Variants in SPAG16 observed in about 807,000 individuals in gnomAD.
The protein encoded by SPAG16 is sperm associated antigen 16.
In SPAG16, 86 loss-of-function variants were observed where a neutral mutation model predicts 80.4. The ratio of observed to expected loss-of-function variants is 1.07; its 90% CI spans 0.90 to 1.28. SPAG16 has a LOEUF of 1.28. Among genes scored for constraint, SPAG16 ranks in the 50% most tolerant of loss-of-function variants. The pLI is 0.00. For missense variants in SPAG16, 870 were observed against 765.3 expected (o/e 1.14, Z -1.61); for synonymous variants, 294 against 265.9 (o/e 1.11, Z -1.03).
chr2:213,583,386 G>A (rs1409280054), intron 10 of SPAG16, among the ~76,000 whole-genome samples: 1 of 152,114 alleles, frequency 6.6e-6, no homozygotes. Flanking sequence ...CCTTTAAATA[G>A]TCATTGTTAC....
intron 13 of SPAG16, among the ~76,000 whole-genome samples, chr2:214,105,292 C>G (rs759602615): frequency 2.2e-4 from 33 of 152,148 alleles, no homozygotes; most frequent in Non-Finnish European, 4.1e-4. Flanking sequence ...GATATGTCAA[C>G]TGGAAAATAT....
chr2:213,430,608 A>G (rs1053508844), intron 9 of SPAG16, among the ~76,000 whole-genome samples: 1 of 152,220 alleles, frequency 6.6e-6, no homozygotes, highest in Non-Finnish European at 1.5e-5. Flanking sequence ...CTTACATATC[A>G]TTGGTATTCA....
At chr2:213,991,154 G>T (rs115480007) in intron 12 of SPAG16, among the ~76,000 whole-genome samples, 11,719 of 151,642 alleles carry the variant, frequency 0.077, 560 homozygotes, top group African/African-American at 0.13. Flanking sequence ...CTCTCCCCTA[G>T]CCCCCACTCC....
chr2:213,364,488 G>A (rs902509363), intron 8 of SPAG16: 7 of 157,958 alleles, frequency 4.4e-5, no homozygotes, highest in African/African-American at 1.7e-4. Context: ...GAAGGCAATT[G>A]ACAGAAGGAA....
intron 10 of SPAG16, among the ~76,000 whole-genome samples, chr2:213,743,146 A>G (rs1252126728): frequency 2.0e-5 from 3 of 146,660 alleles, no homozygotes; most frequent in Admixed American, 1.4e-4. Flanking sequence ...CTCGTGATCC[A>G]CCCGCGTCAG....
intron 15 of SPAG16, among the ~76,000 whole-genome samples, chr2:214,209,983 AT>A (rs952690648): frequency 6.6e-6 from 1 of 152,120 alleles, no homozygotes; most frequent in Non-Finnish European, 1.5e-5. Flanking sequence ...AAAATGGAGA[AT>A]TTAAGGTTTA....
chr2:213,853,394 G>A (rs1010960248), intron 10 of SPAG16, among the ~76,000 whole-genome samples: 39 of 152,104 alleles, frequency 2.6e-4, no homozygotes, highest in African/African-American at 7.7e-4. Flanking sequence ...AGAAAGGAGA[G>A]CTTTTGAAGT....
chr2:213,605,321 C>A (rs1306921070), intron 10 of SPAG16, among the ~76,000 whole-genome samples: 1 of 147,888 alleles, frequency 6.8e-6, no homozygotes, highest in African/African-American at 2.5e-5. Flanking sequence ...GGCTGGAGTG[C>A]AGTGGTGCGA....
intron 13 of SPAG16, among the ~76,000 whole-genome samples, chr2:214,057,035 G>A (rs933733652): frequency 2.0e-5 from 3 of 152,090 alleles, no homozygotes; most frequent in African/African-American, 7.2e-5. Context: ...CACATTTGCA[G>A]TTAATTCCTC....
chr2:213,472,027 G>A (rs2073106711), intron 9 of SPAG16, among the ~76,000 whole-genome samples: 2 of 152,182 alleles, frequency 1.3e-5, no homozygotes, highest in South Asian at 2.1e-4. Context: ...AATAAGCCCT[G>A]TGTGTTTGCT....
chr2:214,104,384 G>T (rs4410231), intron 13 of SPAG16, among the ~76,000 whole-genome samples: 23,776 of 152,008 alleles, frequency 0.16, 2,005 homozygotes, highest in Admixed American at 0.19. Flanking sequence ...GCTTTTGTTG[G>T]TTGCTCTAGT....
At chr2:214,119,818 G>A (rs1016600612) in intron 14 of SPAG16, among the ~76,000 whole-genome samples, 1 of 151,510 alleles carries the variant, frequency 6.6e-6, no homozygotes, top group Non-Finnish European at 1.5e-5. Flanking sequence ...AACTTTTTTT[G>A]GTCTTTGTAT....
intron 8 of SPAG16, among the ~76,000 whole-genome samples, chr2:213,372,582 A>G (rs1038332897): frequency 1.3e-5 from 2 of 152,084 alleles, no homozygotes; most frequent in Non-Finnish European, 2.9e-5. Flanking sequence ...GGTCTAATTA[A>G]TACTTTTTTC....
At chr2:213,889,015 A>G (rs1420842488) in intron 11 of SPAG16, among the ~76,000 whole-genome samples, 2 of 151,936 alleles carry the variant, frequency 1.3e-5, no homozygotes, top group Non-Finnish European at 1.5e-5. Context: ...TTAAAACACC[A>G]TAAAATATTT....
At chr2:214,283,752 T>C (rs1576674699) in intron 15 of SPAG16, among the ~76,000 whole-genome samples, 5 of 152,320 alleles carry the variant, frequency 3.3e-5, no homozygotes, top group Admixed American at 3.3e-4. Context: ...GCAAATTGCT[T>C]TAAGTACACA....
chr2:213,747,823 T>G (rs1281297805), intron 10 of SPAG16, among the ~76,000 whole-genome samples: 2 of 152,110 alleles, frequency 1.3e-5, no homozygotes, highest in Non-Finnish European at 2.9e-5. Context: ...ATGACTATGG[T>G]TTAGCAGAAA....
chr2:213,434,987 A>G (rs2070538634), intron 9 of SPAG16, among the ~76,000 whole-genome samples: 1 of 152,348 alleles, frequency 6.6e-6, no homozygotes, highest in African/African-American at 2.4e-5. Context: ...AGAAATTATC[A>G]TATAAAAAAG....
chr2:213,766,158 G>A (rs1403482379), intron 10 of SPAG16, among the ~76,000 whole-genome samples: 2 of 152,174 alleles, frequency 1.3e-5, no homozygotes, highest in Non-Finnish European at 2.9e-5. Flanking sequence ...GCCATGTATT[G>A]TATGATTCCA....
At chr2:213,886,527 T>TAGC (rs1349293433) in intron 11 of SPAG16, among the ~76,000 whole-genome samples, 3 of 152,016 alleles carry the variant, frequency 2.0e-5, no homozygotes, top group East Asian at 1.9e-4. Context: ...ACAGCAACAG[T>TAGC]AGCAGCAGCA....
Sources: allele counts gnomAD v4.1 joint callset (sites outside exome capture counted in the v4.1 genomes callset), GRCh38; gene constraint gnomAD v4.1.1; transcripts MANE v1.5; gene names NCBI Gene and HGNC (gene_info 2026-07-23, HGNC 2026-07-21).